The following DNAAF5 variants were observed in gnomAD, a reference collection of about 807,000 sequenced individuals.
The protein encoded by DNAAF5 is HEAT repeat containing 2.
A neutral mutation model predicts 75.8 loss-of-function variants in DNAAF5; 64 were observed. The ratio of observed to expected loss-of-function variants is 0.84; its 90% CI spans 0.69 to 1.04. The LOEUF (loss-of-function observed/expected upper bound fraction) is 1.04. Among genes scored for constraint, DNAAF5 ranks in the 50% least tolerant of loss-of-function variants. The probability of loss-of-function intolerance (pLI) is 0.00; values close to 1 mark genes in which losing one functional copy is unlikely to be tolerated. For missense variants in DNAAF5, 1,269 were observed against 1,178.5 expected (o/e 1.08, Z -1.12); for synonymous variants, 657 against 557.2 (o/e 1.18, Z -2.52).
intron 4 of DNAAF5, among the ~76,000 whole-genome samples, chr7:746,081 A>C (rs1782093883): frequency 6.6e-6 from 1 of 152,244 alleles, no homozygotes; most frequent in Non-Finnish European, 1.5e-5. Flanking sequence ...TCCAGTCTGT[A>C]GATTTGAATT....
chr7:761,788 G>C lies in DNAAF5; in HGVS notation c.1506G>C (p.Gln502His). 6.2e-7 allele frequency: 1 copy of C among 1,609,148 alleles called. No individual in the cohort carries two copies. Among genetic ancestry groups the C allele is most frequent in the Non-Finnish European group, 8.5e-7 (1 of 1,177,874 alleles). The change falls in exon 7 of 13, where the codon CAG (glutamine) becomes CAC (histidine). Residue 502 changes from glutamine to histidine, a missense_variant. Physicochemically the swap from Gln to His is conservative, Grantham distance 24 (BLOSUM62 0). Coordinates refer to ENST00000297440, the MANE Select transcript of DNAAF5 (RefSeq NM_017802.4). ...TGGAGCGCCTGCTGCTGTGTGTGCAGGCTCTGGTGTCTGTGTGTCATGAGG... is the reference window on the plus strand; with the variant it reads ...TGGAGCGCCTGCTGCTGTGTGTGCACGCTCTGGTGTCTGTGTGTCATGAGG... ...LYLERLLLCV[Q>H]ALVSVCHEDC... is the part of the protein sequence containing the mutation.
intron 8 of DNAAF5, among the ~76,000 whole-genome samples, chr7:766,332 C>T (rs1276233087): frequency 6.6e-6 from 1 of 152,032 alleles, no homozygotes; most frequent in Non-Finnish European, 1.5e-5. Context: ...GCATGCACTA[C>T]TGTAATAAAC....
chr7:763,687 T>C, intron 7 of DNAAF5, 119 bp from the exon 8 acceptor site: 2 of 1,180,872 alleles, frequency 1.7e-6, no homozygotes, highest in South Asian at 2.9e-5. Flanking sequence ...CTCCCGATTA[T>C]CCTGGCAGGC....
intron 8 of DNAAF5, among the ~76,000 whole-genome samples, chr7:768,190 ATGC>A (rs1778406982): frequency 9.3e-6 from 1 of 107,502 alleles, no homozygotes; most frequent in Non-Finnish European, 1.8e-5. Context: ...GGAAGTGTCC[ATGC>A]TGCAGCAGGA....
At chr7:778,394 G>A (rs1038956716) in intron 11 of DNAAF5, 5 of 152,254 alleles carry the variant, frequency 3.3e-5, no homozygotes, top group African/African-American at 1.2e-4. Context: ...CCTTGGTGGG[G>A]AAGGAAGGAT....
At chr7:746,440 C>T (rs1400264846) in intron 4 of DNAAF5, among the ~76,000 whole-genome samples, 7 of 70,000 alleles carry the variant, frequency 1.0e-4, no homozygotes, top group African/African-American at 4.6e-4. Flanking sequence ...ATGCCCAGGG[C>T]CTGTGACGCC....
chr7:735,885 T>C (rs1041711615), intron 2 of DNAAF5, among the ~76,000 whole-genome samples: 21 of 152,366 alleles, frequency 1.4e-4, no homozygotes, highest in African/African-American at 4.3e-4. Context: ...TTTGAAGTTA[T>C]CTGCTCTTTG....
At chr7:775,836 C>T (rs1015443215) in intron 11 of DNAAF5, among the ~76,000 whole-genome samples, 1 of 151,028 alleles carries the variant, frequency 6.6e-6, no homozygotes, top group Non-Finnish European at 1.5e-5. Flanking sequence ...GTGGATGTTA[C>T]ATTTAGCGTT....
In DNAAF5 at chr7:744,599, G is replaced by T. The variant is rs138266752; in HGVS notation, c.1024+3134G>T. Among the ~76,000 whole-genome samples the T allele has an allele frequency of 3.8e-3, 586 of 152,238 alleles. 6 individuals carry two copies. The highest frequency in any genetic ancestry group is 9.5e-3 in the African/African-American group (395 of 41,532). ...CAGAGAAATGCAAATCAAAACCACA[G>T]TGAGATACCATCTCACACCAGTTAG... is the stretch of plus-strand genomic sequence containing the variant. On this transcript the variant is annotated intron_variant, in intron 4 of 12. Coordinates refer to ENST00000297440, the MANE Select transcript of DNAAF5 (RefSeq NM_017802.4).
rs750972609 is a variant in DNAAF5, at chr7:736,976, T to C, written c.781-3843T>C. On this transcript the variant is annotated intron_variant, in intron 2 of 12. Coordinates refer to ENST00000297440, the MANE Select transcript of DNAAF5 (RefSeq NM_017802.4). Reference sequence around the variant, plus strand: ...AAAAACAAGCAAGCCAAGAAAAAAATGAATAAAAACTCTACACCTTAATTT... The same window carrying C: ...AAAAACAAGCAAGCCAAGAAAAAAACGAATAAAAACTCTACACCTTAATTT... Among the ~76,000 whole-genome samples, 27 of 152,196 alleles carry C rather than the reference T, an allele frequency of 1.8e-4. No homozygotes were observed. In the Middle Eastern group the frequency reaches 0.02, roughly 115 times the overall value.
At chr7:769,304 G>A in intron 8 of DNAAF5, 1 of 674,554 alleles carries the variant, frequency 1.5e-6, no homozygotes, top group Middle Eastern at 2.5e-4. Context: ...TCCCCACCCT[G>A]AGCCTTCAGC....
chr7:756,771 C>T lies in DNAAF5; in HGVS notation c.1258-11C>T, dbSNP rs1463068302. 1.9e-6 allele frequency: 3 copies of T among 1,610,290 alleles called. No homozygotes were observed. In the East Asian group the frequency reaches 6.7e-5, roughly 36 times the overall value. ...TTTGGCTCTGAGTTTTCTCATGTTT[C>T]TTTCTCGCAGTGTACCAGATCCGCA... On this transcript the variant is annotated splice_polypyrimidine_tract_variant and intron_variant, in intron 5 of 12. Transcript: ENST00000297440.
At position 735,131 on chromosome 7, in the gene DNAAF5, C is replaced by A. The variant is rs1341878589; in HGVS notation, c.780+5284C>A. On this transcript the variant is annotated intron_variant, in intron 2 of 12. Coordinates refer to ENST00000297440, the MANE Select transcript of DNAAF5 (RefSeq NM_017802.4). ...ATGGTGTAGCTGCTCACAGTGTCGC[C>A]ACTCACGATGTCATTGCTCACGGTG... Among the ~76,000 whole-genome samples, 6 of 108,410 alleles carry A rather than the reference C, an allele frequency of 5.5e-5. No individual in the cohort carries two copies. The East Asian group carries it at 1.7e-3, about 30-fold the overall frequency. 71.1% of individuals were successfully genotyped at this position (108,410 alleles called of 152,430 possible).
At chr7:739,371 T>C (rs1781834548) in intron 2 of DNAAF5, among the ~76,000 whole-genome samples, 1 of 152,092 alleles carries the variant, frequency 6.6e-6, no homozygotes, top group South Asian at 2.1e-4. Context: ...CTGTCTCTGC[T>C]CGAGACCTGC....
chr7:761,682 T>TCA, intron 6 of DNAAF5, 71 bp from the exon 7 acceptor site: 1 of 1,492,340 alleles, frequency 6.7e-7, no homozygotes, highest in Non-Finnish European at 9.0e-7. Context: ...GAGCTACAGT[T>TCA]CAAGATGGGA....
intron 2 of DNAAF5, among the ~76,000 whole-genome samples, chr7:732,275 A>C (rs1289333712): frequency 6.6e-6 from 1 of 152,232 alleles, no homozygotes; most frequent in Non-Finnish European, 1.5e-5. Flanking sequence ...TGCAGCTCCG[A>C]GCCCAGGACA....
At chr7:737,782 G>A (rs1448080927) in intron 2 of DNAAF5, among the ~76,000 whole-genome samples, 1 of 152,218 alleles carries the variant, frequency 6.6e-6, no homozygotes. Context: ...TCGTTGCCAG[G>A]CGTACTGGAG....
chr7:784,368 CT>C (rs1779082685), intron 12 of DNAAF5, among the ~76,000 whole-genome samples: 1 of 152,226 alleles, frequency 6.6e-6, no homozygotes, highest in South Asian at 2.1e-4. Context: ...CCCTGACTGC[CT>C]GCCGGGTTCC....
At position 779,951 on chromosome 7, in the gene DNAAF5, A is replaced by G; in HGVS notation, c.2240-2A>G. 1 of 1,613,768 alleles carries G rather than the reference A, an allele frequency of 6.2e-7. No homozygotes were observed. The highest frequency in any genetic ancestry group is 8.5e-7 in the Non-Finnish European group (1 of 1,179,784). ...CACACCTGTCTCGCTCCCTCCTTCC[A>G]GAACTCTTAAAACGCCTAGATGACG... On this transcript the variant is annotated splice_acceptor_variant, in intron 11 of 12. Coordinates refer to ENST00000297440, the MANE Select transcript of DNAAF5 (RefSeq NM_017802.4). LOFTEE classifies it high-confidence loss of function.
Sources: gnomAD v4.1 joint callset for allele counts (sites outside exome capture counted in the v4.1 genomes callset) on GRCh38, gnomAD v4.1.1 for gene constraint, MANE v1.5 for transcripts, NCBI Gene and HGNC (gene_info 2026-07-23, HGNC 2026-07-21) for gene names.